The following AATF variants were observed in gnomAD, a reference collection of about 807,000 sequenced individuals.
The protein encoded by AATF is protein AATF.
AATF carries 48 observed loss-of-function variants against 63.7 expected under a neutral mutation model. The observed-to-expected ratio is 0.75, with a 90% confidence interval of 0.60 to 0.96. The LOEUF (loss-of-function observed/expected upper bound fraction) is 0.96. Among genes scored for constraint, AATF ranks in the 40% least tolerant of loss-of-function variants. AATF has a pLI of 0.00. For synonymous variants in AATF, 258 were observed against 247.7 expected (o/e 1.04, Z -0.39); for missense variants, 639 against 685.7 (o/e 0.93, Z 0.76).
intron 4 of AATF, 33 bp from the exon 5 acceptor site, chr17:36,986,580 ATAAT>A: frequency 6.4e-7 from 1 of 1,552,480 alleles, no homozygotes; most frequent in Non-Finnish European, 8.9e-7. Context: ...AGAATTGTAG[ATAAT>A]TAATTGTCCT....
chr17:36,988,685 G>A lies in AATF; in HGVS notation c.1114G>A (p.Asp372Asn), dbSNP rs140200159. 9.3e-6 allele frequency: 15 copies of A among 1,613,908 alleles called. No individual in the cohort carries two copies. The highest frequency in any genetic ancestry group is 2.2e-5 in the East Asian group (1 of 44,896). The part of the protein sequence containing the change: ...YRNRTLQKWH[D>N]KTKLASGKLG... ...GAACCGCACACTTCAGAAATGGCACGATAAGACCAAACTGGCTTCTGGAAA... is the reference window on the plus strand; with the variant it reads ...GAACCGCACACTTCAGAAATGGCACAATAAGACCAAACTGGCTTCTGGAAA... Residue 372 changes from aspartate to asparagine, a missense_variant, in exon 6 of 12, where the codon GAT becomes AAT. Physicochemically the swap from Asp to Asn is conservative, Grantham distance 23. Coordinates refer to ENST00000619387, the MANE Select transcript of AATF (RefSeq NM_012138.4).
intron 4 of AATF, among the ~76,000 whole-genome samples, chr17:36,982,355 TA>T (rs1472015341): frequency 1.3e-5 from 2 of 152,060 alleles, no homozygotes; most frequent in Non-Finnish European, 2.9e-5. Context: ...TTTTTATTTT[TA>T]TTTTTATTTT....
intron 4 of AATF, among the ~76,000 whole-genome samples, chr17:36,986,365 C>G (rs1234068018): frequency 2.0e-5 from 3 of 152,190 alleles, no homozygotes; most frequent in Non-Finnish European, 2.9e-5. Context: ...TGGACTCTTA[C>G]TCTTTGCAGA....
At chr17:36,970,297 A>C (rs1183547193) in intron 4 of AATF, among the ~76,000 whole-genome samples, 6 of 152,126 alleles carry the variant, frequency 3.9e-5, no homozygotes, top group Admixed American at 6.5e-5. Context: ...TTAATTTTAA[A>C]CATTCTAATA....
At chr17:36,965,617 A>T (rs2070985256) in intron 4 of AATF, among the ~76,000 whole-genome samples, 1 of 152,238 alleles carries the variant, frequency 6.6e-6, no homozygotes, top group South Asian at 2.1e-4. Flanking sequence ...TTTTCCAGTG[A>T]CAAGGTATGA....
intron 11 of AATF, among the ~76,000 whole-genome samples, chr17:37,040,500 G>A (rs2071628288): frequency 6.6e-6 from 1 of 151,462 alleles, no homozygotes; most frequent in Non-Finnish European, 1.5e-5. Flanking sequence ...GATGTTATCT[G>A]CATTTTATAA....
At chr17:37,050,293 G>A (rs181243593) in intron 11 of AATF, among the ~76,000 whole-genome samples, 6 of 152,132 alleles carry the variant, frequency 3.9e-5, no homozygotes, top group Admixed American at 3.3e-4. Flanking sequence ...TCACCTTCCC[G>A]ATCTAGCTTC....
chr17:36,991,155 T>G (rs2071211563), intron 8 of AATF, among the ~76,000 whole-genome samples: 2 of 152,216 alleles, frequency 1.3e-5, no homozygotes, highest in Admixed American at 6.5e-5. Flanking sequence ...TTCTGAGCCA[T>G]TTTTGATGAT....
chr17:37,040,187 G>A (rs987519881), intron 11 of AATF, among the ~76,000 whole-genome samples: 1 of 152,090 alleles, frequency 6.6e-6, no homozygotes, highest in African/African-American at 2.4e-5. Context: ...CTTGCAAGCC[G>A]GTAGGCAATA....
Position 36,998,336 on chromosome 17 carries a change from T to C in AATF, c.1398+7479T>C, listed in dbSNP as rs2071270148. Among the ~76,000 whole-genome samples the C allele has an allele frequency of 1.3e-5, 2 of 152,286 alleles. 1 individual carries two copies. The highest frequency in any genetic ancestry group is 6.8e-3 in the Middle Eastern group (2 of 294). Reference sequence around the variant, plus strand: ...ACTCTCTTTTCACAAGTGCAGAAAATGGAGCCTGAAGGAAGTACATGACTG... The same window carrying C: ...ACTCTCTTTTCACAAGTGCAGAAAACGGAGCCTGAAGGAAGTACATGACTG... On this transcript the variant is annotated intron_variant, in intron 8 of 11. Transcript: ENST00000619387.
chr17:37,025,418 A>G (rs2071503668), intron 10 of AATF, among the ~76,000 whole-genome samples: 1 of 152,172 alleles, frequency 6.6e-6, no homozygotes, highest in Admixed American at 6.5e-5. Flanking sequence ...ACAAGAGTAG[A>G]ATCCTGAAGA....
chr17:36,959,913 T>G (rs955635268), intron 4 of AATF, among the ~76,000 whole-genome samples: 1 of 152,220 alleles, frequency 6.6e-6, no homozygotes, highest in Non-Finnish European at 1.5e-5. Flanking sequence ...TAATAAATTA[T>G]ATTTTGTTTG....
intron 11 of AATF, among the ~76,000 whole-genome samples, chr17:37,047,589 A>G (rs1362202251): frequency 2.0e-5 from 3 of 152,044 alleles, no homozygotes; most frequent in African/African-American, 7.2e-5. Flanking sequence ...AGTCTGTCTG[A>G]TCTTTAGGGG....
intron 4 of AATF, among the ~76,000 whole-genome samples, chr17:36,956,502 G>A (rs534144569): frequency 1.5e-4 from 22 of 151,356 alleles, no homozygotes; most frequent in African/African-American, 2.7e-4. Context: ...GTGAAACCCC[G>A]TCTCTACTGA....
intron 4 of AATF, among the ~76,000 whole-genome samples, chr17:36,983,088 C>T (rs2071139701): frequency 6.6e-6 from 1 of 152,034 alleles, no homozygotes; most frequent in African/African-American, 2.4e-5. Context: ...ATCACCCAAG[C>T]TGGAGTACAG....
intron 8 of AATF, among the ~76,000 whole-genome samples, chr17:37,005,549 G>A (rs2071335183): frequency 6.6e-6 from 1 of 152,180 alleles, no homozygotes; most frequent in South Asian, 2.1e-4. Flanking sequence ...TACCCTTTCA[G>A]TTTCCTACTT....
intron 8 of AATF, among the ~76,000 whole-genome samples, chr17:37,010,471 T>C (rs762588263): frequency 1.1e-4 from 16 of 151,940 alleles, no homozygotes; most frequent in Non-Finnish European, 1.9e-4. Context: ...AAAATTATTA[T>C]TATTATTATT....
At position 36,989,232 on chromosome 17, in the gene AATF, T is replaced by G. The variant is rs1597714983; in HGVS notation, c.1150-15T>G. The G allele has an allele frequency of 1.2e-6, 2 of 1,608,362 alleles. No individual in the cohort carries two copies. Among genetic ancestry groups the G allele is most frequent in the East Asian group, 4.5e-5 (2 of 44,772 alleles). On this transcript the variant is annotated splice_polypyrimidine_tract_variant and intron_variant, in intron 6 of 11. Transcript: ENST00000619387. ...GATTTTCTGCATTATCTGACACTGC[T>G]TAATGTTGTTGCAGGGTTTTGGTGC...
intron 4 of AATF, among the ~76,000 whole-genome samples, chr17:36,968,270 C>CTTTTTTTTTTTTTTTTTT (rs3049638): frequency 8.4e-5 from 2 of 23,792 alleles, no homozygotes; most frequent in African/African-American, 1.6e-4. Flanking sequence ...TTCCTTCTTT[C>CTTTTTTTTTTTTTTTTTT]TTTTTTTTTT....
Sources: gnomAD v4.1 joint callset for allele counts (sites outside exome capture counted in the v4.1 genomes callset) on GRCh38, gnomAD v4.1.1 for gene constraint, MANE v1.5 for transcripts, NCBI Gene and HGNC (gene_info 2026-07-23, HGNC 2026-07-21) for gene names.